Variants in PHF14 observed in about 807,000 individuals in gnomAD.
PHF14 encodes PHD finger protein 14.
Under a neutral mutation model 117.9 loss-of-function variants are expected in PHF14, and 55 were observed. The ratio of observed to expected loss-of-function variants is 0.47; its 90% CI spans 0.38 to 0.58. The LOEUF (loss-of-function observed/expected upper bound fraction) is 0.58. Ranked by LOEUF, PHF14 falls within the 20% of genes least tolerant of loss-of-function variation. The probability of loss-of-function intolerance (pLI) is 0.00; values close to 1 mark genes in which losing one functional copy is unlikely to be tolerated. For synonymous variants in PHF14, 409 were observed against 368.6 expected, an observed-to-expected ratio of 1.11 and a Z score of -1.26; for missense variants, 978 against 1,122.2, an observed-to-expected ratio of 0.87 and a Z score of 1.84.
At chr7:11,147,000 C>T (rs373592108) in intron 17 of PHF14, among the ~76,000 whole-genome samples, 5 of 152,048 alleles carry the variant, frequency 3.3e-5, no homozygotes, top group South Asian at 2.1e-4. Flanking sequence ...GTGTGTGCCA[C>T]GACACCTGGC....
chr7:11,009,074 C>T (rs1031005056), intron 4 of PHF14, among the ~76,000 whole-genome samples: 2 of 150,106 alleles, frequency 1.3e-5, no homozygotes, highest in African/African-American at 4.9e-5. Flanking sequence ...TGATGAGTTT[C>T]ATAGTCAAAA....
intron 16 of PHF14, among the ~76,000 whole-genome samples, chr7:11,072,294 C>T (rs918206900): frequency 2.0e-5 from 3 of 152,066 alleles, no homozygotes; most frequent in African/African-American, 4.8e-5. Flanking sequence ...AAGAACTCAC[C>T]ATCATGAGAA....
At chr7:11,074,041 G>C (rs1216162430) in intron 16 of PHF14, among the ~76,000 whole-genome samples, 2 of 152,124 alleles carry the variant, frequency 1.3e-5, no homozygotes, top group Admixed American at 6.6e-5. Flanking sequence ...CTCTGGGCCT[G>C]TGATGGGCTG....
chr7:11,001,171 G>T (rs184202363), intron 4 of PHF14, among the ~76,000 whole-genome samples: 21 of 151,844 alleles, frequency 1.4e-4, no homozygotes, highest in Non-Finnish European at 2.5e-4. Context: ...CCCTTATATT[G>T]CCTTTGCTCC....
intron 16 of PHF14, among the ~76,000 whole-genome samples, chr7:11,065,014 T>C (rs888077438): frequency 6.6e-6 from 1 of 152,118 alleles, no homozygotes; most frequent in African/African-American, 2.4e-5. Context: ...TTTCCAGTTA[T>C]AATAAATACT....
At chr7:11,113,272 A>G (rs1296815159) in intron 17 of PHF14, among the ~76,000 whole-genome samples, 1 of 152,110 alleles carries the variant, frequency 6.6e-6, no homozygotes, top group Non-Finnish European at 1.5e-5. Context: ...AAGGGGGCAT[A>G]TTTTAGATTT....
chr7:11,020,633 C>A (rs905797834), intron 5 of PHF14, among the ~76,000 whole-genome samples: 1 of 152,168 alleles, frequency 6.6e-6, no homozygotes, highest in African/African-American at 2.4e-5. Flanking sequence ...CCTACCTCTG[C>A]CTCCCAAAGT....
At chr7:11,157,359 T>G (rs1270358017) in intron 17 of PHF14, among the ~76,000 whole-genome samples, 1 of 150,672 alleles carries the variant, frequency 6.6e-6, no homozygotes, top group Non-Finnish European at 1.5e-5. Flanking sequence ...CATTATTTGA[T>G]CAATACAATA....
At chr7:11,159,031 A>C (rs1319348011) in intron 17 of PHF14, among the ~76,000 whole-genome samples, 1 of 152,148 alleles carries the variant, frequency 6.6e-6, no homozygotes, top group Non-Finnish European at 1.5e-5. Context: ...TAATATTAAA[A>C]GATTTTAAGT....
chr7:11,127,076 C>G (rs1243315786), intron 17 of PHF14, among the ~76,000 whole-genome samples: 2 of 152,068 alleles, frequency 1.3e-5, no homozygotes, highest in African/African-American at 4.8e-5. Flanking sequence ...TCAGACAAAT[C>G]TTACAGCTTT....
chr7:10,995,856 C>T (rs528522086), intron 4 of PHF14, among the ~76,000 whole-genome samples: 9 of 152,334 alleles, frequency 5.9e-5, no homozygotes, highest in South Asian at 2.1e-4. Context: ...ACCCGGAACT[C>T]GCGCTGGCCC....
intron 17 of PHF14, among the ~76,000 whole-genome samples, chr7:11,150,292 A>G (rs1290037061): frequency 6.6e-6 from 1 of 152,184 alleles, no homozygotes; most frequent in Non-Finnish European, 1.5e-5. Context: ...GTTGTGCAGG[A>G]AACATTTTAT....
intron 16 of PHF14, chr7:11,104,660 C>G: frequency 1.0e-6 from 1 of 972,022 alleles, no homozygotes; most frequent in Non-Finnish European, 1.2e-6. Context: ...AGTAGTGGTT[C>G]TCAAACGTTG....
At chr7:11,169,312 TCA>T (rs1256963214) in intron 17 of PHF14, 102 bp from the exon 18 acceptor site, 4 of 541,248 alleles carry the variant, frequency 7.4e-6, no homozygotes, top group Non-Finnish European at 1.3e-5. Flanking sequence ...ATTATTAGAA[TCA>T]CAGTAGTTCA....
chr7:11,149,640 T>TTTTAATCAGTC (rs1240780291), intron 17 of PHF14, among the ~76,000 whole-genome samples: 1 of 152,176 alleles, frequency 6.6e-6, no homozygotes, highest in Non-Finnish European at 1.5e-5. Context: ...GCAATATTCC[T>TTTTAATCAGTC]TTTAATCAGT....
rs573207105 is a variant in PHF14, at chr7:11,126,859, A to T, written c.2772+15392A>T. ...TAAACAGTATAAAAAGAGACAAAAA[A>T]GTGGTTTTATTTGTTCTTCATATTA... On this transcript the variant is annotated intron_variant, in intron 17 of 17. Coordinates refer to ENST00000634607, the MANE Select transcript of PHF14 (RefSeq NM_001007157.2). Among the ~76,000 whole-genome samples the T allele has an allele frequency of 6.6e-5, 10 of 152,142 alleles. No individual in the cohort carries two copies. In the East Asian group the frequency reaches 1.9e-3, roughly 29 times the overall value.
intron 17 of PHF14, among the ~76,000 whole-genome samples, chr7:11,127,979 T>C (rs536120465): frequency 1.3e-5 from 2 of 152,148 alleles, no homozygotes; most frequent in South Asian, 2.1e-4. Context: ...CAGGCCACCA[T>C]TTACTCTCCT....
At chr7:11,077,900 G>A (rs1467228850) in intron 16 of PHF14, among the ~76,000 whole-genome samples, 2 of 152,108 alleles carry the variant, frequency 1.3e-5, no homozygotes, top group Non-Finnish European at 2.9e-5. Flanking sequence ...TTCCTCAGTT[G>A]AGAAGTTTTG....
intron 3 of PHF14, among the ~76,000 whole-genome samples, chr7:10,985,397 A>T (rs1782181302): frequency 6.6e-6 from 1 of 152,106 alleles, no homozygotes; most frequent in Non-Finnish European, 1.5e-5. Flanking sequence ...CATAATAGAA[A>T]TATATAATTA....
Sources: gnomAD v4.1 joint callset for allele counts (sites outside exome capture counted in the v4.1 genomes callset) on GRCh38, gnomAD v4.1.1 for gene constraint, MANE v1.5 for transcripts, NCBI Gene and HGNC (gene_info 2026-07-23, HGNC 2026-07-21) for gene names.